The following DGKZ variants were observed in gnomAD, a reference collection of about 807,000 sequenced individuals.
The protein encoded by DGKZ is diacylglycerol kinase zeta.
Under a neutral mutation model 142.5 loss-of-function variants are expected in DGKZ, and 45 were observed. The ratio of observed to expected loss-of-function variants is 0.32; its 90% CI spans 0.25 to 0.40. The LOEUF (loss-of-function observed/expected upper bound fraction) is 0.40. Ranked by LOEUF, DGKZ falls within the 10% of genes least tolerant of loss-of-function variation. The pLI is 1.00. For synonymous variants in DGKZ, 442 were observed against 527.0 expected, an observed-to-expected ratio of 0.84 and a Z score of 2.21; for missense variants, 755 against 1,306.5, an observed-to-expected ratio of 0.58 and a Z score of 6.51.
At chr11:46,378,753 G>A in intron 27 of DGKZ, 2 of 856,410 alleles carry the variant, frequency 2.3e-6, no homozygotes, top group Non-Finnish European at 3.8e-6. Context: ...GCAGGTCAGA[G>A]GAAGCACTGC....
chr11:46,356,469 A>G (rs911020197), intron 1 of DGKZ, among the ~76,000 whole-genome samples: 7 of 152,108 alleles, frequency 4.6e-5, no homozygotes, highest in African/African-American at 1.2e-4. Flanking sequence ...ATTAGAAGCA[A>G]TGTGAGGCCC....
intron 4 of DGKZ, chr11:46,368,879 G>A (rs911841764): frequency 1.2e-5 from 2 of 173,378 alleles, no homozygotes; most frequent in Non-Finnish European, 2.5e-5. Context: ...GGCTGGCTGC[G>A]TGTGCCCGGG....
At chr11:46,373,197 TC>T (rs770886755) in intron 14 of DGKZ, 96 bp downstream of exon 14, 99 of 1,374,914 alleles carry the variant, frequency 7.2e-5, no homozygotes, top group Admixed American at 1.2e-4. Flanking sequence ...GCGTGTCTCT[TC>T]ATTTCTCCAA....
chr11:46,355,561 G>A (rs1941919057), intron 1 of DGKZ, among the ~76,000 whole-genome samples: 1 of 152,168 alleles, frequency 6.6e-6, no homozygotes, highest in Non-Finnish European at 1.5e-5. Flanking sequence ...CAGGTTAAAA[G>A]GCTTAGCTTG....
At chr11:46,356,529 T>G (rs946863635) in intron 1 of DGKZ, among the ~76,000 whole-genome samples, 3 of 152,192 alleles carry the variant, frequency 2.0e-5, no homozygotes, top group Non-Finnish European at 2.9e-5. Context: ...TAGTGCTGAT[T>G]GCCCAGGGTC....
In DGKZ at chr11:46,347,850, G is replaced by T. The variant is rs1036906849; in HGVS notation, c.161+30G>T. ...GCGGGGCGGCGGCGGGGCAGGCACC[G>T]AGGCACCGGCAGGTTACCGCTCCCT... On this transcript the variant is annotated intron_variant, in intron 1 of 30. Transcript: ENST00000527911. The surrounding 1 kb of genome is among the most constrained non-coding windows in gnomAD (Gnocchi z 6.4). 7.8e-7 allele frequency: 1 copy of T among 1,275,818 alleles called. No homozygotes were observed. The highest frequency in any genetic ancestry group is 9.9e-7 in the Non-Finnish European group (1 of 1,009,076). The allele number at this position is 1,275,818 out of a possible 1,614,324, so 79.0% of individuals were successfully genotyped here.
intron 6 of DGKZ, 74 bp downstream of exon 6, chr11:46,370,083 C>CT: frequency 6.4e-7 from 1 of 1,570,390 alleles, no homozygotes. Flanking sequence ...CCGGTGTGGC[C>CT]TGCCGATCAC....
intron 1 of DGKZ, among the ~76,000 whole-genome samples, chr11:46,353,092 T>C (rs1211592174): frequency 1.3e-5 from 2 of 152,210 alleles, no homozygotes; most frequent in African/African-American, 2.4e-5. Flanking sequence ...CCAGCTCCTC[T>C]GTCTTTGGTG....
rs2136481616 is a variant in DGKZ, at chr11:46,371,477, C to A, written c.643-10C>A. 3 of 1,600,816 alleles carry A rather than the reference C, an allele frequency of 1.9e-6. No individual in the cohort carries two copies. Among genetic ancestry groups the A allele is most frequent in the East Asian group, 4.5e-5 (2 of 44,774 alleles). ...CGGTCCCGCTGAGCCCGGCCCCTCG[C>A]TCTCCTCAGTACCACAGCAAGGTGT... On this transcript the variant is annotated splice_polypyrimidine_tract_variant and intron_variant, in intron 7 of 30. Coordinates refer to ENST00000527911, the Ensembl canonical transcript of DGKZ.
chr11:46,367,606 G>A lies in DGKZ; in HGVS notation c.271-46G>A. 12 of 1,545,828 alleles carry A rather than the reference G, an allele frequency of 7.8e-6. No individual in the cohort carries two copies. The highest frequency in any genetic ancestry group is 1.1e-5 in the Non-Finnish European group (12 of 1,140,544). On this transcript the variant is annotated intron_variant, in intron 2 of 30. Coordinates refer to ENST00000527911, the Ensembl canonical transcript of DGKZ. The surrounding 1 kb of genome is among the most constrained non-coding windows in gnomAD (Gnocchi z 4.1). Reference sequence around the variant, plus strand: ...GGTGGGCGGGGGCTGATGGGAGGGAGGGCTGGGCGGCCAGCGTGTGCTGAG... The same window carrying A: ...GGTGGGCGGGGGCTGATGGGAGGGAAGGCTGGGCGGCCAGCGTGTGCTGAG...
Position 46,367,885 on chromosome 11 carries a change from G to T in DGKZ, c.367-117G>T. The T allele has an allele frequency of 6.6e-7, 1 of 1,521,014 alleles. No homozygotes were observed. The highest frequency in any genetic ancestry group is 9.1e-7 in the Non-Finnish European group (1 of 1,098,566). 94.2% of individuals were successfully genotyped at this position (1,521,014 alleles called of 1,614,324 possible). A position where few individuals can be genotyped will look rare whatever the true frequency, so the allele number is the denominator to read the frequency against. On this transcript the variant is annotated intron_variant, in intron 3 of 30. Coordinates refer to ENST00000527911, the Ensembl canonical transcript of DGKZ. This position sits in a 1 kb window ranked among gnomAD's most constrained non-coding sequence, Gnocchi z 4.1. ...GGATGGTGAGGGGTGCAGGGGCTTT[G>T]TCCGGATGCCAGGACTGGGGCTTCC... is the stretch of plus-strand genomic sequence containing the variant.
chr11:46,365,065 C>T (rs1012469912), intron 1 of DGKZ: 30 of 985,234 alleles, frequency 3.0e-5, no homozygotes, highest in Non-Finnish European at 3.0e-5. Flanking sequence ...CACAGGAGCT[C>T]GATGCTGGCT....
chr11:46,365,656 G>A (rs1943167602), intron 1 of DGKZ: 3 of 985,362 alleles, frequency 3.0e-6, no homozygotes, highest in Non-Finnish European at 2.4e-6. Context: ...GACTCTGGGG[G>A]TCCTGTCAGG....
chr11:46,349,170 A>T (rs946172610), intron 1 of DGKZ, among the ~76,000 whole-genome samples: 1 of 152,348 alleles, frequency 6.6e-6, no homozygotes, highest in East Asian at 1.9e-4. Context: ...ACACTGGCAG[A>T]TGGAGCTCCG....
rs1216647674 is a variant in DGKZ, at chr11:46,363,631, C to A, written c.162-3660C>A. Among the ~76,000 whole-genome samples the A allele has an allele frequency of 2.6e-5, 4 of 152,348 alleles. No homozygotes were observed. In the East Asian group the frequency reaches 7.7e-4, roughly 29 times the overall value. ...GTCTGGGGCCGCAAGCTGGGCTCAGCCCTCACCGCTGCCCACGGGTGCAGC... is the reference window on the plus strand; with the variant it reads ...GTCTGGGGCCGCAAGCTGGGCTCAGACCTCACCGCTGCCCACGGGTGCAGC... On this transcript the variant is annotated intron_variant, in intron 1 of 30. Transcript: ENST00000527911.
At chr11:46,366,439 G>T in intron 1 of DGKZ, 1 of 1,549,066 alleles carries the variant, frequency 6.5e-7, no homozygotes. Context: ...GCTGCCTCCT[G>T]AGTTGCGGGG....
In DGKZ at chr11:46,347,807, C is replaced by A; in HGVS notation, c.148C>A (p.Leu50Ile). Reference sequence around the variant, plus strand: ...CAAGCGGCGCTTCCCGGGGCTGCGGCTCTTCGGGCACAGGTGAGCGGGGCG... The same window carrying A: ...CAAGCGGCGCTTCCCGGGGCTGCGGATCTTCGGGCACAGGTGAGCGGGGCG... The change falls in exon 1 of 31, where the codon CTC becomes ATC. Residue 50 changes from leucine to isoleucine, a missense_variant. Physicochemically the swap from Leu to Ile is conservative, Grantham distance 5 (BLOSUM62 2). This residue lies in a region of DGKZ where 81 missense variants were observed against 86.5 expected (regional missense o/e 0.94). Coordinates refer to ENST00000527911, the Ensembl canonical transcript of DGKZ. The surrounding 1 kb of genome is among the most constrained non-coding windows in gnomAD (Gnocchi z 6.4). The A allele has an allele frequency of 7.6e-7, 1 of 1,323,620 alleles. No homozygotes were observed. Among genetic ancestry groups the A allele is most frequent in the Non-Finnish European group, 9.7e-7 (1 of 1,033,038 alleles). The allele number at this position is 1,323,620 out of a possible 1,614,324, so 82.0% of individuals were successfully genotyped here.
In DGKZ at chr11:46,367,464, G is replaced by T. The variant is rs961264855; in HGVS notation, c.270+65G>T. 1 of 1,546,330 alleles carries T rather than the reference G, an allele frequency of 6.5e-7. No individual in the cohort carries two copies. ...CTCTTGGCCAAGGCGCAGCTGGCGGGTGGAGGCACTAAAGGCAGCTGGGAG... is the reference window on the plus strand; with the variant it reads ...CTCTTGGCCAAGGCGCAGCTGGCGGTTGGAGGCACTAAAGGCAGCTGGGAG... On this transcript the variant is annotated intron_variant, in intron 2 of 30. Transcript: ENST00000527911. This position sits in a 1 kb window ranked among gnomAD's most constrained non-coding sequence, Gnocchi z 4.1.
chr11:46,333,178 C>A, exon 1 of DGKZ: 8 of 1,102,812 alleles, frequency 7.3e-6, no homozygotes, highest in Non-Finnish European at 6.9e-6. Flanking sequence ...GCTCCCCTCC[C>A]TCCCCGCCTC....
Sources: gnomAD v4.1 joint callset for allele counts (sites outside exome capture counted in the v4.1 genomes callset) on GRCh38, gnomAD v4.1.1 for gene constraint, gnomAD v4.1.1 regional missense constraint, Gnocchi (gnomAD v3.1) non-coding constraint, MANE v1.5 for transcripts, NCBI Gene and HGNC (gene_info 2026-07-23, HGNC 2026-07-21) for gene names.